The following CACNA1C variants were observed in gnomAD, a reference collection of about 807,000 sequenced individuals.
CACNA1C encodes calcium voltage-gated channel subunit alpha1 C.
A neutral mutation model predicts 229.0 loss-of-function variants in CACNA1C; 30 were observed. The ratio of observed to expected loss-of-function variants is 0.13; its 90% CI spans 0.10 to 0.18. The LOEUF is 0.18. Among genes scored for constraint, CACNA1C ranks in the 10% least tolerant of loss-of-function variants. CACNA1C has a pLI of 1.00. For missense variants in CACNA1C, 1,658 were observed against 2,845.0 expected (o/e 0.58, Z 9.49); for synonymous variants, 1,114 against 1,132.5 (o/e 0.98, Z 0.33).
At chr12:2,497,901 C>T (rs1469799428) in intron 7 of CACNA1C, among the ~76,000 whole-genome samples, 1 of 151,698 alleles carries the variant, frequency 6.6e-6, no homozygotes, top group East Asian at 1.9e-4. Context: ...AGTCACTTGT[C>T]AGCTCCACCC....
At chr12:2,127,469 C>T (rs2090556495) in intron 3 of CACNA1C, among the ~76,000 whole-genome samples, 1 of 152,120 alleles carries the variant, frequency 6.6e-6, no homozygotes, top group Non-Finnish European at 1.5e-5. Flanking sequence ...ATGTGTTGTC[C>T]TAATGCAGCA....
intron 10 of CACNA1C, among the ~76,000 whole-genome samples, chr12:2,553,780 G>A (rs1011796670): frequency 3.3e-5 from 5 of 152,218 alleles, no homozygotes; most frequent in Non-Finnish European, 5.9e-5. Context: ...AGGATCCAGT[G>A]AGGACAAATG....
Position 2,454,980 on chromosome 12 carries a change from C to T in CACNA1C, c.618-2587C>T, listed in dbSNP as rs545891217. Among the ~76,000 whole-genome samples, 5 of 152,270 alleles carry T rather than the reference C, an allele frequency of 3.3e-5. No homozygotes were observed. The South Asian group carries it at 1.0e-3, about 32-fold the overall frequency. ...CACAGGTGGACGCCCTTCGCATGCA[C>T]CCATCCCCTTCTTGCCAGTGAAGGA... On this transcript the variant is annotated intron_variant, in intron 4 of 46. Coordinates refer to ENST00000399655, the MANE Select transcript of CACNA1C (RefSeq NM_000719.7).
At chr12:2,022,060 T>C (rs552394043) in intron 1 of CACNA1C, among the ~76,000 whole-genome samples, 1 of 152,186 alleles carries the variant, frequency 6.6e-6, no homozygotes, top group South Asian at 2.1e-4. Context: ...CTAGGTGGAG[T>C]TGGCAAGTTC....
intron 3 of CACNA1C, among the ~76,000 whole-genome samples, chr12:2,358,314 TG>T (rs1470445916): frequency 5.5e-5 from 8 of 146,394 alleles, no homozygotes; most frequent in African/African-American, 1.5e-4. Flanking sequence ...TGTGTCTCTT[TG>T]TCATCTTCAG....
At position 2,462,762 on chromosome 12, in the gene CACNA1C, T is replaced by G. The variant is rs189944916; in HGVS notation, c.757+5056T>G. Among the ~76,000 whole-genome samples the G allele has an allele frequency of 1.9e-3, 292 of 152,288 alleles. 3 individuals are homozygous for G. Among genetic ancestry groups the G allele is most frequent in the African/African-American group, 6.7e-3 (280 of 41,546 alleles). On this transcript the variant is annotated intron_variant, in intron 5 of 46. Transcript: ENST00000399655. Reference sequence around the variant, plus strand: ...AGGGTCTTTACTTCTTCTGTCTCATTTGATCTTCATGACAATTGGGTGATA... The same window carrying G: ...AGGGTCTTTACTTCTTCTGTCTCATGTGATCTTCATGACAATTGGGTGATA...
intron 3 of CACNA1C, among the ~76,000 whole-genome samples, chr12:2,364,168 C>T (rs907393609): frequency 2.0e-5 from 3 of 152,230 alleles, no homozygotes; most frequent in Admixed American, 6.5e-5. Flanking sequence ...AAGGCCCACA[C>T]TCTCCTTTTA....
intron 5 of CACNA1C, among the ~76,000 whole-genome samples, chr12:2,476,585 G>A (rs2099630220): frequency 6.6e-6 from 1 of 152,140 alleles, no homozygotes; most frequent in Admixed American, 6.5e-5. Context: ...ACCATATGCA[G>A]TTTTCTTCTA....
chr12:2,144,600 G>T (rs903710249), intron 3 of CACNA1C, among the ~76,000 whole-genome samples: 1 of 151,190 alleles, frequency 6.6e-6, no homozygotes, highest in Non-Finnish European at 1.5e-5. Flanking sequence ...CCTCTAAAAT[G>T]TTTAGGTTTG....
At chr12:2,002,683 G>A (rs992245294) in intron 1 of CACNA1C, among the ~76,000 whole-genome samples, 2 of 152,200 alleles carry the variant, frequency 1.3e-5, no homozygotes, top group Non-Finnish European at 2.9e-5. Context: ...TCGAATCCCA[G>A]TGTCAAGTCA....
intron 3 of CACNA1C, among the ~76,000 whole-genome samples, chr12:2,299,229 ACCT>A (rs1566939794): frequency 6.6e-6 from 1 of 152,058 alleles, no homozygotes; most frequent in Non-Finnish European, 1.5e-5. Context: ...CCTGGGCCCC[ACCT>A]CCTCCTTTGC....
At chr12:2,195,483 A>G (rs976892240) in intron 3 of CACNA1C, among the ~76,000 whole-genome samples, 4 of 152,168 alleles carry the variant, frequency 2.6e-5, no homozygotes, top group Admixed American at 2.0e-4. Context: ...CTAAAGATCT[A>G]TGATTTGTTG....
Position 2,034,059 on chromosome 12 carries a change from C to T in CACNA1C, c.139+62858C>T, listed in dbSNP as rs762938169. 2.0e-5 allele frequency among the ~76,000 whole-genome samples: 3 copies of T among 152,158 alleles called. No individual in the cohort carries two copies. Among genetic ancestry groups the T allele is most frequent in the African/African-American group, 2.4e-5 (1 of 41,430 alleles). On this transcript the variant is annotated intron_variant, in intron 1 of 46. Coordinates refer to the CACNA1C transcript ENST00000682462. This position sits in a 1 kb window ranked among gnomAD's most constrained non-coding sequence, Gnocchi z 4.1. Reference sequence around the variant, plus strand: ...TTGCAACATTTATTAATAATAATAACGACCACATTTTTAACATCTGCTACA... The same window carrying T: ...TTGCAACATTTATTAATAATAATAATGACCACATTTTTAACATCTGCTACA...
intron 3 of CACNA1C, among the ~76,000 whole-genome samples, chr12:2,188,639 A>G (rs2097117460): frequency 6.6e-6 from 1 of 152,108 alleles, no homozygotes; most frequent in Non-Finnish European, 1.5e-5. Context: ...CAGCAAATTG[A>G]TATTCGGTTT....
intron 3 of CACNA1C, among the ~76,000 whole-genome samples, chr12:2,244,481 A>G (rs1235382391): frequency 1.3e-5 from 2 of 152,232 alleles, no homozygotes; most frequent in Admixed American, 1.3e-4. Flanking sequence ...TCTCCTCCGG[A>G]AACTGCCCCC....
At chr12:2,592,594 C>G (rs1035022403) in intron 18 of CACNA1C, among the ~76,000 whole-genome samples, 1 of 152,200 alleles carries the variant, frequency 6.6e-6, no homozygotes, top group Admixed American at 6.5e-5. Context: ...AATGTGGCCA[C>G]TGGCTGGGAG....
chr12:2,314,745 G>A (rs2283295), intron 3 of CACNA1C, among the ~76,000 whole-genome samples: 18,805 of 151,926 alleles, frequency 0.12, 1,307 homozygotes, highest in African/African-American at 0.18. Flanking sequence ...AGTGTGCCAC[G>A]GTGTTTCTAC....
chr12:2,677,270 C>A lies in CACNA1C; in HGVS notation c.4956+49C>A, dbSNP rs771500528. The A allele has an allele frequency of 1.3e-6, 2 of 1,591,390 alleles. No homozygotes were observed. Among genetic ancestry groups the A allele is most frequent in the South Asian group, 2.3e-5 (2 of 87,564 alleles). ...CACTCCAGGAAGGTCCTGGTCATTG[C>A]CTCTGACCTCCAGTCAGGGTCCCGG... On this transcript the variant is annotated intron_variant, in intron 40 of 46. Transcript: ENST00000399655. This position sits in a 1 kb window ranked among gnomAD's most constrained non-coding sequence, Gnocchi z 7.4.
At chr12:2,146,705 C>T (rs917982528) in intron 3 of CACNA1C, among the ~76,000 whole-genome samples, 11 of 151,238 alleles carry the variant, frequency 7.3e-5, no homozygotes, top group African/African-American at 2.4e-4. Context: ...GCTCTCAGTA[C>T]CCCATTCTGT....
Sources: gnomAD v4.1 joint callset for allele counts (sites outside exome capture counted in the v4.1 genomes callset) on GRCh38, gnomAD v4.1.1 for gene constraint, Gnocchi (gnomAD v3.1) non-coding constraint, MANE v1.5 for transcripts, NCBI Gene and HGNC (gene_info 2026-07-23, HGNC 2026-07-21) for gene names.